SYNPR: variants seen among roughly 807,000 people sequenced by gnomAD.
SYNPR encodes the protein synaptoporin.
A neutral mutation model predicts 32.9 loss-of-function variants in SYNPR; 23 were observed. The ratio of observed to expected loss-of-function variants is 0.70; its 90% CI spans 0.50 to 0.99. SYNPR has a LOEUF of 0.99. SYNPR is among the 50% of genes least tolerant of loss of function. The pLI, the probability that SYNPR is intolerant of heterozygous loss-of-function variation, is 0.00. For missense variants in SYNPR, 318 were observed against 349.3 expected (o/e 0.91, Z 0.71); for synonymous variants, 146 against 135.9 (o/e 1.07, Z -0.52).
chr3:63,342,554 G>A (rs73108938), intron 2 of SYNPR, among the ~76,000 whole-genome samples: 2,269 of 152,274 alleles, frequency 0.015, 57 homozygotes, highest in Non-Finnish European at 0.018. Context: ...CTTAGTTCAT[G>A]AGAGATATTG....
intron 2 of SYNPR, among the ~76,000 whole-genome samples, chr3:63,254,987 A>T (rs187698897): frequency 4.6e-5 from 7 of 152,270 alleles, no homozygotes; most frequent in Admixed American, 4.6e-4. Context: ...CTGCCTTTAG[A>T]CACCTTGATC....
intron 3 of SYNPR, among the ~76,000 whole-genome samples, chr3:63,521,408 T>A (rs1233538921): frequency 6.6e-6 from 1 of 152,226 alleles, no homozygotes; most frequent in African/African-American, 2.4e-5. Flanking sequence ...TAATAGAGCT[T>A]GTTAACATTT....
intron 2 of SYNPR, among the ~76,000 whole-genome samples, chr3:63,357,668 A>C (rs1188115929): frequency 6.6e-6 from 1 of 152,136 alleles, no homozygotes; most frequent in African/African-American, 2.4e-5. Flanking sequence ...GAGACTCAGG[A>C]GATTTAACTA....
At chr3:63,347,165 A>G (rs1575605536) in intron 2 of SYNPR, among the ~76,000 whole-genome samples, 1 of 152,296 alleles carries the variant, frequency 6.6e-6, no homozygotes, top group Non-Finnish European at 1.5e-5. Flanking sequence ...AAAGTTTCTA[A>G]ATGACCCTAA....
chr3:63,289,119 TG>T (rs200844289), intron 2 of SYNPR, among the ~76,000 whole-genome samples: 7,358 of 152,282 alleles, frequency 0.048, 246 homozygotes, highest in Middle Eastern at 0.095. Flanking sequence ...ATTCTCTAAC[TG>T]TAACTGAGGA....
chr3:63,604,926 T>C (rs1476563122), intron 4 of SYNPR, among the ~76,000 whole-genome samples: 1 of 152,234 alleles, frequency 6.6e-6, no homozygotes, highest in African/African-American at 2.4e-5. Context: ...TCTCTAATTC[T>C]ACCATTGCCA....
chr3:63,589,361 C>G (rs1384284345), intron 4 of SYNPR, among the ~76,000 whole-genome samples: 1 of 152,096 alleles, frequency 6.6e-6, no homozygotes, highest in Non-Finnish European at 1.5e-5. Context: ...ATTAACAGCT[C>G]TCTCTTCTAC....
chr3:63,311,886 T>C (rs2086968091), intron 2 of SYNPR, among the ~76,000 whole-genome samples: 2 of 151,998 alleles, frequency 1.3e-5, no homozygotes, highest in South Asian at 4.1e-4. Context: ...GAGAGAACCT[T>C]GAGTAGGAAT....
intron 2 of SYNPR, among the ~76,000 whole-genome samples, chr3:63,368,456 ACCC>A (rs2087754164): frequency 6.6e-6 from 1 of 152,090 alleles, no homozygotes; most frequent in South Asian, 2.1e-4. Flanking sequence ...GATGTAAAAG[ACCC>A]AAGTTCTGAG....
At chr3:63,527,845 G>T (rs1438391786) in intron 3 of SYNPR, among the ~76,000 whole-genome samples, 1 of 152,052 alleles carries the variant, frequency 6.6e-6, no homozygotes, top group African/African-American at 2.4e-5. Flanking sequence ...TTTAAAGTTG[G>T]TGTGATGTAG....
intron 2 of SYNPR, among the ~76,000 whole-genome samples, chr3:63,307,416 C>G (rs1360451499): frequency 6.6e-6 from 1 of 152,014 alleles, no homozygotes; most frequent in Non-Finnish European, 1.5e-5. Context: ...CTATTATTAA[C>G]AAAGTGCTGA....
intron 2 of SYNPR, among the ~76,000 whole-genome samples, chr3:63,350,496 T>C (rs2087492701): frequency 6.6e-6 from 1 of 152,198 alleles, no homozygotes; most frequent in Non-Finnish European, 1.5e-5. Flanking sequence ...GCTAAAGCTG[T>C]GTGTGTATGC....
intron 2 of SYNPR, among the ~76,000 whole-genome samples, chr3:63,352,124 C>G (rs1005915227): frequency 6.6e-6 from 1 of 151,970 alleles, no homozygotes; most frequent in Non-Finnish European, 1.5e-5. Context: ...AGAGAGAATG[C>G]CAGTAAAGCT....
At chr3:63,519,906 A>G (rs116078633) in intron 3 of SYNPR, among the ~76,000 whole-genome samples, 31,878 of 152,008 alleles carry the variant, frequency 0.21, 3,450 homozygotes, top group Middle Eastern at 0.28. Flanking sequence ...AATTCACATC[A>G]CCCTGAGATA....
chr3:63,613,942 A>G (rs1700240893), intron 5 of SYNPR, among the ~76,000 whole-genome samples: 2 of 152,172 alleles, frequency 1.3e-5, no homozygotes, highest in Non-Finnish European at 2.9e-5. Context: ...CTAAGATTCC[A>G]TTCATGTGCT....
intron 2 of SYNPR, among the ~76,000 whole-genome samples, chr3:63,410,979 A>C (rs1314349945): frequency 6.6e-6 from 1 of 152,162 alleles, no homozygotes; most frequent in East Asian, 1.9e-4. Flanking sequence ...TTATTCCTAG[A>C]AATTTGGCAT....
Position 63,557,312 on chromosome 3 carries a change from A to G in SYNPR, c.408+571A>G, listed in dbSNP as rs371954224. On this transcript the variant is annotated intron_variant, in intron 4 of 5. Coordinates refer to ENST00000478300, the MANE Select transcript of SYNPR (RefSeq NM_001130003.2). ...AGGCATAGATAATTTTAAGGAAATA[A>G]TTTTAAATTTCACCCTTTACATGTG... 7.9e-5 allele frequency among the ~76,000 whole-genome samples: 12 copies of G among 152,312 alleles called. No individual in the cohort carries two copies. The South Asian group carries it at 2.1e-3, about 26-fold the overall frequency.
intron 2 of SYNPR, among the ~76,000 whole-genome samples, chr3:63,296,636 T>C (rs561417935): frequency 9.2e-5 from 14 of 152,248 alleles, no homozygotes; most frequent in African/African-American, 3.4e-4. Context: ...TTAATGGAAA[T>C]GGGGGCAGTG....
At chr3:63,214,478 T>A in the SYNPR span, among the ~76,000 whole-genome samples, 1 of 13,478 alleles carries the variant, frequency 7.4e-5, no homozygotes, top group East Asian at 8.3e-4. Flanking sequence ...TCTTCTAGAT[T>A]TTCTAGTTTA....
Sources: allele counts gnomAD v4.1 joint callset (sites outside exome capture counted in the v4.1 genomes callset), GRCh38; gene constraint gnomAD v4.1.1; transcripts MANE v1.5; gene names NCBI Gene and HGNC (gene_info 2026-07-23, HGNC 2026-07-21).